Variants in SLC4A4 observed in about 807,000 individuals in gnomAD.
SLC4A4 encodes solute carrier family 4 member 4.
Under a neutral mutation model 111.5 loss-of-function variants are expected in SLC4A4, and 27 were observed. That is an observed-to-expected ratio of 0.24 (90% confidence interval 0.18 to 0.33). SLC4A4 has a LOEUF of 0.33. Among genes scored for constraint, SLC4A4 ranks in the 10% least tolerant of loss-of-function variants. The pLI, the probability that SLC4A4 is intolerant of heterozygous loss-of-function variation, is 1.00. For synonymous variants in SLC4A4, 443 were observed against 463.4 expected, an observed-to-expected ratio of 0.96 and a Z score of 0.57; for missense variants, 909 against 1,315.5, an observed-to-expected ratio of 0.69 and a Z score of 4.78.
intron 7 of SLC4A4, among the ~76,000 whole-genome samples, chr4:71,409,246 G>A (rs1294951191): frequency 6.6e-6 from 1 of 152,236 alleles, no homozygotes; most frequent in Non-Finnish European, 1.5e-5. Flanking sequence ...TGGGTAACAG[G>A]CAGAGGCTGG....
intron 22 of SLC4A4, among the ~76,000 whole-genome samples, chr4:71,558,199 G>A (rs1255108457): frequency 6.6e-6 from 1 of 151,894 alleles, no homozygotes; most frequent in Non-Finnish European, 1.5e-5. Context: ...TTAATATCAA[G>A]CATGTAGCAC....
intron 1 of SLC4A4, among the ~76,000 whole-genome samples, chr4:71,214,599 A>AT (rs1718315584): frequency 6.6e-6 from 1 of 152,098 alleles, no homozygotes; most frequent in Non-Finnish European, 1.5e-5. Context: ...TTCTGTGTTT[A>AT]TTTTTTGCTG....
chr4:71,120,750 C>T (rs545787566), intron 2 of SLC4A4, among the ~76,000 whole-genome samples: 3 of 152,310 alleles, frequency 2.0e-5, no homozygotes, highest in South Asian at 2.1e-4. Flanking sequence ...TGCCTGTAAT[C>T]CCAGTGAGAG....
At chr4:71,282,088 C>T (rs1488086259) in intron 3 of SLC4A4, among the ~76,000 whole-genome samples, 1 of 151,746 alleles carries the variant, frequency 6.6e-6, no homozygotes, top group Non-Finnish European at 1.5e-5. Context: ...TAAAAAAAAC[C>T]TTGAGAAGTT....
chr4:71,293,387 A>G (rs1724532464), intron 3 of SLC4A4, among the ~76,000 whole-genome samples: 1 of 151,204 alleles, frequency 6.6e-6, no homozygotes, highest in Non-Finnish European at 1.5e-5. Context: ...AACATGTGAA[A>G]CCCAGTCTCT....
chr4:71,259,895 C>T (rs944875233), intron 3 of SLC4A4, among the ~76,000 whole-genome samples: 2 of 152,170 alleles, frequency 1.3e-5, no homozygotes, highest in African/African-American at 4.8e-5. Flanking sequence ...TCGTGTTCAG[C>T]ATTTTGATCT....
At chr4:71,302,194 T>C (rs1725323083) in intron 3 of SLC4A4, among the ~76,000 whole-genome samples, 1 of 152,160 alleles carries the variant, frequency 6.6e-6, no homozygotes, top group African/African-American at 2.4e-5. Flanking sequence ...TTTTAAAATT[T>C]CAGAAACAAT....
chr4:71,483,883 TA>T (rs1396183714), intron 14 of SLC4A4, among the ~76,000 whole-genome samples: 2 of 152,014 alleles, frequency 1.3e-5, no homozygotes, highest in Non-Finnish European at 2.9e-5. Flanking sequence ...GTGTGAATAG[TA>T]TCTCACTGTG....
chr4:71,232,710 T>C (rs1719518993), intron 1 of SLC4A4, among the ~76,000 whole-genome samples: 1 of 152,204 alleles, frequency 6.6e-6, no homozygotes, highest in Non-Finnish European at 1.5e-5. Flanking sequence ...TGTGTCAGCT[T>C]TTCTTCTTTT....
chr4:71,328,115 T>C (rs1019724239), intron 3 of SLC4A4, among the ~76,000 whole-genome samples: 2 of 152,138 alleles, frequency 1.3e-5, no homozygotes, highest in Admixed American at 6.5e-5. Context: ...CTTAACAAAA[T>C]GTCCTCCAGT....
chr4:71,079,275 C>T (rs1266683517), intron 1 of SLC4A4, among the ~76,000 whole-genome samples: 2 of 152,058 alleles, frequency 1.3e-5, no homozygotes, highest in Non-Finnish European at 2.9e-5. Context: ...CTGGTAATGG[C>T]CAGGCATTCC....
intron 14 of SLC4A4, among the ~76,000 whole-genome samples, chr4:71,480,801 T>G (rs1374964035): frequency 6.6e-6 from 1 of 151,752 alleles, no homozygotes; most frequent in African/African-American, 2.4e-5. Flanking sequence ...GAAGCCATGT[T>G]GAGGGCACAG....
At chr4:71,311,887 C>CTG (rs201248851) in intron 3 of SLC4A4, among the ~76,000 whole-genome samples, 105 of 26,426 alleles carry the variant, frequency 4.0e-3, no homozygotes, top group African/African-American at 6.7e-3. Context: ...ATGTGCAAGG[C>CTG]TGTGAGAGAG....
rs367765147 is a variant in SLC4A4, at chr4:71,308,200, CAT to C, written c.254-31166_254-31165del. Among the ~76,000 whole-genome samples the C allele has an allele frequency of 6.3e-4, 96 of 152,228 alleles. 1 individual carries two copies. In the East Asian group the frequency reaches 0.018, roughly 29 times the overall value. On this transcript the variant is annotated intron_variant, in intron 3 of 25. Transcript: ENST00000264485. The stretch of plus-strand genomic sequence containing the variant: ...TCCGAAGTGCTTTGAGAAAAAAAAT[CAT>C]ATACCACATTGTTCTGTTATAGACC...
intron 2 of SLC4A4, among the ~76,000 whole-genome samples, chr4:71,110,350 G>A (rs1743052975): frequency 6.6e-6 from 1 of 152,012 alleles, no homozygotes; most frequent in African/African-American, 2.4e-5. Context: ...GAGTAGCTGG[G>A]ACTACAGGCA....
chr4:71,222,321 T>A (rs1482481631), intron 1 of SLC4A4, among the ~76,000 whole-genome samples: 1 of 152,174 alleles, frequency 6.6e-6, no homozygotes. Flanking sequence ...AAGTCTCACT[T>A]CCTTACCCTT....
chr4:71,091,409 C>G (rs557436783), intron 1 of SLC4A4, among the ~76,000 whole-genome samples: 2 of 151,960 alleles, frequency 1.3e-5, no homozygotes, highest in African/African-American at 4.8e-5. Context: ...CCCGCCACCA[C>G]GCTTGGCTAA....
chr4:71,397,244 T>C (rs1338299122), intron 6 of SLC4A4, among the ~76,000 whole-genome samples: 1 of 152,346 alleles, frequency 6.6e-6, no homozygotes, highest in Non-Finnish European at 1.5e-5. Flanking sequence ...GATTAGCATG[T>C]ATGTAAAGGG....
intron 12 of SLC4A4, among the ~76,000 whole-genome samples, chr4:71,465,558 C>G (rs2149097585): frequency 6.6e-6 from 1 of 150,920 alleles, no homozygotes; most frequent in Non-Finnish European, 1.5e-5. Context: ...ACCAACCTAA[C>G]TACTAACTAA....
Sources: allele counts gnomAD v4.1 joint callset (sites outside exome capture counted in the v4.1 genomes callset), GRCh38; gene constraint gnomAD v4.1.1; transcripts MANE v1.5; gene names NCBI Gene and HGNC (gene_info 2026-07-23, HGNC 2026-07-21).